EPB41L2: variants seen among roughly 807,000 people sequenced by gnomAD.
EPB41L2 encodes the protein band 4.1-like protein 2.
In EPB41L2, 43 loss-of-function variants were observed where a neutral mutation model predicts 113.0. The observed-to-expected ratio is 0.38, with a 90% CI of 0.30 to 0.49. EPB41L2 has a LOEUF of 0.49. Ranked by LOEUF, EPB41L2 falls within the 20% of genes least tolerant of loss-of-function variation. The pLI is 0.95. For missense variants in EPB41L2, 1,147 were observed against 1,223.4 expected (o/e 0.94, Z 0.93); for synonymous variants, 442 against 436.7 (o/e 1.01, Z -0.15).
intron 19 of EPB41L2, among the ~76,000 whole-genome samples, chr6:130,848,199 T>TCA (rs66469665): frequency 0.082 from 9,263 of 113,334 alleles, 340 homozygotes; most frequent in Middle Eastern, 0.1. Context: ...TCTCTCTCTC[T>TCA]CACACACACA....
intron 3 of EPB41L2, among the ~76,000 whole-genome samples, chr6:130,934,339 A>T (rs1304624766): frequency 1.3e-5 from 2 of 152,204 alleles, no homozygotes; most frequent in Non-Finnish European, 2.9e-5. Flanking sequence ...ATTCTTAAGA[A>T]AAGCTTCCCT....
intron 3 of EPB41L2, among the ~76,000 whole-genome samples, chr6:130,944,162 T>TACACACACACACACACACACACACAC (rs537919934): frequency 2.3e-5 from 3 of 132,998 alleles, no homozygotes; most frequent in East Asian, 5.1e-4. Flanking sequence ...TATACGTACA[T>TACACACACACACACACACACACACAC]ACACACACAT....
At chr6:131,060,854 G>C (rs1347121975) in intron 1 of EPB41L2, among the ~76,000 whole-genome samples, 2 of 151,984 alleles carry the variant, frequency 1.3e-5, no homozygotes, top group Non-Finnish European at 2.9e-5. Context: ...CTTTCTACTT[G>C]GACTTAAATT....
At chr6:131,018,277 G>T (rs917547439) in intron 1 of EPB41L2, among the ~76,000 whole-genome samples, 14 of 152,034 alleles carry the variant, frequency 9.2e-5, no homozygotes, top group African/African-American at 2.9e-4. Flanking sequence ...TCAAGGGTGG[G>T]GGAAGAAAGA....
intron 1 of EPB41L2, among the ~76,000 whole-genome samples, chr6:131,029,125 G>C (rs1175853465): frequency 6.6e-6 from 1 of 152,132 alleles, no homozygotes; most frequent in Non-Finnish European, 1.5e-5. Context: ...ACAATGGACA[G>C]AGAATGCTAA....
intron 8 of EPB41L2, among the ~76,000 whole-genome samples, chr6:130,895,363 G>A (rs1329429503): frequency 6.6e-6 from 1 of 152,144 alleles, no homozygotes; most frequent in East Asian, 1.9e-4. Flanking sequence ...ATAAGACACA[G>A]TGTCCTTCAA....
At chr6:130,972,885 G>T (rs900560645) in intron 1 of EPB41L2, among the ~76,000 whole-genome samples, 1 of 134,370 alleles carries the variant, frequency 7.4e-6, no homozygotes, top group East Asian at 2.2e-4. Context: ...CGAGGTCAGG[G>T]ATTCGAAACC....
chr6:130,867,972 A>ACACACACTCT (rs1480502040), intron 15 of EPB41L2: 7 of 75,550 alleles, frequency 9.3e-5, no homozygotes, highest in Admixed American at 1.7e-4. Flanking sequence ...ACACACACAC[A>ACACACACTCT]CTCTCTCTCT....
intron 1 of EPB41L2, among the ~76,000 whole-genome samples, chr6:130,956,930 T>C (rs1817641738): frequency 6.6e-6 from 1 of 152,194 alleles, no homozygotes; most frequent in African/African-American, 2.4e-5. Flanking sequence ...TAGAAAGCAA[T>C]GAGACACATT....
intron 1 of EPB41L2, among the ~76,000 whole-genome samples, chr6:131,058,292 A>G (rs1476953929): frequency 1.3e-5 from 2 of 152,218 alleles, no homozygotes; most frequent in Non-Finnish European, 2.9e-5. Flanking sequence ...TCACTTTAAA[A>G]TAAGAAAATT....
Position 130,926,616 on chromosome 6 carries a change from G to A in EPB41L2, c.799C>T (p.Pro267Ser), listed in dbSNP as rs1309916049. ...DYFGLLFQES[P>S]EQKNWLDPAK... ...TTGAAATCACTTACTTTCTGCTCAGGGCTTTCCTGAAACAAAAGTCCAAAG... is the reference window on the plus strand; with the variant it reads ...TTGAAATCACTTACTTTCTGCTCAGAGCTTTCCTGAAACAAAAGTCCAAAG... The change falls in exon 4 of 20, where the codon CCT (proline) becomes TCT (serine). Residue 267 changes from proline (P) to serine (S), a missense_variant. By Grantham distance (74) the Pro-to-Ser change is moderately conservative. Transcript: ENST00000337057. The A allele has an allele frequency of 1.2e-6, 2 of 1,602,186 alleles. No individual in the cohort carries two copies. The highest frequency in any genetic ancestry group is 2.7e-5 in the African/African-American group (2 of 74,350).
intron 1 of EPB41L2, among the ~76,000 whole-genome samples, chr6:130,968,316 C>T (rs1259145865): frequency 6.6e-6 from 1 of 152,156 alleles, no homozygotes; most frequent in Non-Finnish European, 1.5e-5. Context: ...ATGACAAGTC[C>T]ACCAAGCTGG....
At chr6:130,870,516 T>C (rs1785291658) in intron 14 of EPB41L2, 4 of 911,424 alleles carry the variant, frequency 4.4e-6, no homozygotes, top group African/African-American at 3.4e-5. Flanking sequence ...CAAGGTCACA[T>C]AGAGGACAAT....
chr6:131,030,844 G>A (rs1240339985), intron 1 of EPB41L2, among the ~76,000 whole-genome samples: 4 of 151,990 alleles, frequency 2.6e-5, no homozygotes, highest in African/African-American at 9.7e-5. Context: ...GGGAGGCCAA[G>A]GCAGGCAGAT....
intron 3 of EPB41L2, among the ~76,000 whole-genome samples, chr6:130,932,208 C>A (rs909222726): frequency 6.6e-6 from 1 of 151,680 alleles, no homozygotes; most frequent in Non-Finnish European, 1.5e-5. Context: ...ATTTTTCAGT[C>A]TGATTTCTGA....
intron 1 of EPB41L2, among the ~76,000 whole-genome samples, chr6:131,040,183 A>G (rs941580472): frequency 6.6e-5 from 10 of 152,218 alleles, no homozygotes; most frequent in African/African-American, 2.2e-4. Flanking sequence ...CACACCTGCA[A>G]TTCCAGCACT....
rs552455923 is a variant in EPB41L2, at chr6:130,992,663, G to A, written c.-14-36164C>T. The stretch of plus-strand genomic sequence containing the variant: ...TTTTTTTTTTTTGAGACAGAGCCTC[G>A]CTCAGTCGCCAGGCTGGAATGCAGT... On this transcript the variant is annotated intron_variant, in intron 1 of 19. Coordinates refer to ENST00000337057, the MANE Select transcript of EPB41L2 (RefSeq NM_001431.4). Among the ~76,000 whole-genome samples, 7 of 147,378 alleles carry A rather than the reference G, an allele frequency of 4.7e-5. No individual in the cohort carries two copies. The South Asian group carries it at 6.4e-4, about 13-fold the overall frequency.
intron 5 of EPB41L2, among the ~76,000 whole-genome samples, chr6:130,906,431 C>T (rs915694791): frequency 7.9e-5 from 12 of 152,264 alleles, no homozygotes; most frequent in African/African-American, 2.9e-4. Context: ...ATGCATTACT[C>T]TTCACATACT....
intron 1 of EPB41L2, among the ~76,000 whole-genome samples, chr6:131,012,066 G>A (rs9372986): frequency 2.0e-5 from 3 of 151,648 alleles, no homozygotes; most frequent in Admixed American, 6.6e-5. Context: ...TTAGCTGGGC[G>A]TGGTGGCACG....
Sources: allele counts gnomAD v4.1 joint callset (sites outside exome capture counted in the v4.1 genomes callset), GRCh38; gene constraint gnomAD v4.1.1; transcripts MANE v1.5; gene names NCBI Gene and HGNC (gene_info 2026-07-23, HGNC 2026-07-21).